Variants in COL24A1 observed in about 807,000 individuals in gnomAD.
The protein encoded by COL24A1 is collagen alpha-1(XXIV) chain.
COL24A1 carries 224 observed loss-of-function variants against 253.9 expected under a neutral mutation model. The ratio of observed to expected loss-of-function variants is 0.88; its 90% CI spans 0.79 to 0.99. The LOEUF is 0.99. COL24A1 is among the 50% of genes least tolerant of loss of function. The pLI is 0.00. For synonymous variants in COL24A1, 685 were observed against 673.7 expected (o/e 1.02, Z -0.26); for missense variants, 2,131 against 2,068.5 (o/e 1.03, Z -0.59).
intron 24 of COL24A1, among the ~76,000 whole-genome samples, chr1:85,952,211 A>T (rs1419011925): frequency 6.6e-6 from 1 of 152,200 alleles, no homozygotes; most frequent in Non-Finnish European, 1.5e-5. Context: ...GTAAAGCAAG[A>T]CTTCAAAAAA....
intron 2 of COL24A1, among the ~76,000 whole-genome samples, chr1:86,128,392 C>A (rs1027091699): frequency 6.6e-6 from 1 of 151,810 alleles, no homozygotes; most frequent in African/African-American, 2.4e-5. Context: ...TGGAAGGAAC[C>A]CTGCTTCTGT....
intron 43 of COL24A1, among the ~76,000 whole-genome samples, chr1:85,835,352 G>C (rs1351963551): frequency 6.6e-6 from 1 of 152,036 alleles, no homozygotes; most frequent in African/African-American, 2.4e-5. Context: ...GGATGGTCTC[G>C]ATCTCCTGAC....
Position 86,109,223 on chromosome 1 carries a change from A to G in COL24A1, c.1599+3344T>C, listed in dbSNP as rs186906412. On this transcript the variant is annotated intron_variant, in intron 5 of 59. Transcript: ENST00000370571. ...TTCCTAATTTCTTTAGAAGCCATCT[A>G]TCTTCTTCCCTATTACTTATCCAGA... is the stretch of plus-strand genomic sequence containing the variant. Among the ~76,000 whole-genome samples the G allele has an allele frequency of 2.7e-3, 413 of 152,312 alleles. 16 individuals carry two copies. The highest frequency in any genetic ancestry group is 0.027 in the Admixed American group (408 of 15,298).
At chr1:85,903,133 A>C (rs762982050) in intron 28 of COL24A1, among the ~76,000 whole-genome samples, 1 of 152,212 alleles carries the variant, frequency 6.6e-6, no homozygotes, top group Non-Finnish European at 1.5e-5. Context: ...TCAAGACAAC[A>C]CAGGGAATGA....
chr1:85,924,252 C>T (rs1686910699), intron 24 of COL24A1, among the ~76,000 whole-genome samples: 1 of 152,154 alleles, frequency 6.6e-6, no homozygotes, highest in African/African-American at 2.4e-5. Flanking sequence ...CAAAGAGGAG[C>T]TGATACCATT....
intron 24 of COL24A1, among the ~76,000 whole-genome samples, chr1:85,912,464 G>A (rs1314078420): frequency 6.6e-6 from 1 of 152,084 alleles, no homozygotes; most frequent in African/African-American, 2.4e-5. Context: ...TAGCTACCAT[G>A]CAAAGACCTT....
At chr1:86,079,938 G>T (rs944209156) in intron 7 of COL24A1, among the ~76,000 whole-genome samples, 3 of 152,122 alleles carry the variant, frequency 2.0e-5, no homozygotes, top group African/African-American at 7.2e-5. Context: ...CAGAAGAAAA[G>T]AAATCAGTGT....
chr1:85,951,877 T>C (rs1293522849), intron 24 of COL24A1, among the ~76,000 whole-genome samples: 1 of 152,224 alleles, frequency 6.6e-6, no homozygotes, highest in Non-Finnish European at 1.5e-5. Flanking sequence ...AAAGGTTATA[T>C]ACTTACAAAA....
chr1:85,855,628 G>A (rs927832913), intron 37 of COL24A1, among the ~76,000 whole-genome samples: 1 of 152,078 alleles, frequency 6.6e-6, no homozygotes, highest in Non-Finnish European at 1.5e-5. Context: ...TTTTGTTATC[G>A]ATTCTTGCAT....
intron 3 of COL24A1, 79 bp from the exon 4 acceptor site, chr1:86,115,457 C>G: frequency 7.4e-7 from 1 of 1,354,628 alleles, no homozygotes; most frequent in African/African-American, 1.4e-5. Context: ...AGATTTCCAC[C>G]CAAAGACAAC....
intron 37 of COL24A1, among the ~76,000 whole-genome samples, chr1:85,864,593 CAT>C (rs1319037668): frequency 6.6e-6 from 1 of 151,902 alleles, no homozygotes; most frequent in African/African-American, 2.4e-5. Context: ...AAACAAGAAA[CAT>C]ATATCTTATC....
chr1:86,156,102 G>T (rs929326727), intron 1 of COL24A1: 2 of 393,452 alleles, frequency 5.1e-6, no homozygotes, highest in East Asian at 7.9e-5. Flanking sequence ...TTTTCCTCTC[G>T]AGCCAAAAGA....
chr1:86,025,022 T>C (rs1379306665), intron 14 of COL24A1, among the ~76,000 whole-genome samples: 1 of 152,034 alleles, frequency 6.6e-6, no homozygotes, highest in Non-Finnish European at 1.5e-5. Context: ...ATATGAAAAA[T>C]ATATTATAAT....
rs539212319 is a variant in COL24A1, at chr1:85,882,320, C to T, written c.2977-5145G>A. Reference sequence around the variant, plus strand: ...TCTACTAAAAATACAAAAAATTAGCCGGGCATGGTGGCGGGCGCCTGTAGT... The same window carrying T: ...TCTACTAAAAATACAAAAAATTAGCTGGGCATGGTGGCGGGCGCCTGTAGT... On this transcript the variant is annotated intron_variant, in intron 32 of 59. Coordinates refer to ENST00000370571, the MANE Select transcript of COL24A1 (RefSeq NM_152890.7). Among the ~76,000 whole-genome samples the T allele has an allele frequency of 1.4e-4, 22 of 152,142 alleles. No homozygotes were observed. The South Asian group carries it at 3.1e-3, about 22-fold the overall frequency.
chr1:86,021,408 G>A lies in COL24A1; in HGVS notation c.2256+832C>T, dbSNP rs988074625. On this transcript the variant is annotated intron_variant, in intron 18 of 59. Transcript: ENST00000370571. ...AAACAGTATGGCACAGTAGCTAAAC[G>A]CATGAGCTCTGACATACCTGATTGC... 3.3e-5 allele frequency among the ~76,000 whole-genome samples: 5 copies of A among 151,952 alleles called. 1 individual carries two copies. In the Middle Eastern group the frequency reaches 9.5e-3, roughly 289 times the overall value.
At chr1:86,129,619 G>A (rs1325341284) in intron 2 of COL24A1, among the ~76,000 whole-genome samples, 1 of 151,398 alleles carries the variant, frequency 6.6e-6, no homozygotes, top group African/African-American at 2.4e-5. Flanking sequence ...GTTGTTTTCT[G>A]GAAAGTATTT....
chr1:86,082,886 T>C (rs1702756098), intron 7 of COL24A1, among the ~76,000 whole-genome samples: 1 of 146,874 alleles, frequency 6.8e-6, no homozygotes, highest in Non-Finnish European at 1.5e-5. Flanking sequence ...ATCTGAAATC[T>C]TAAATGCTCC....
chr1:85,988,827 G>C (rs967319045), intron 19 of COL24A1, among the ~76,000 whole-genome samples: 1 of 152,046 alleles, frequency 6.6e-6, no homozygotes, highest in Non-Finnish European at 1.5e-5. Context: ...CGAATGCCTC[G>C]ACTCAGATTT....
intron 24 of COL24A1, among the ~76,000 whole-genome samples, chr1:85,942,491 T>C (rs1688844381): frequency 6.6e-6 from 1 of 152,208 alleles, no homozygotes; most frequent in Non-Finnish European, 1.5e-5. Flanking sequence ...TTTGGAGTTC[T>C]TGAATTTTGG....
Sources: gnomAD v4.1 joint callset for allele counts (sites outside exome capture counted in the v4.1 genomes callset) on GRCh38, gnomAD v4.1.1 for gene constraint, MANE v1.5 for transcripts, NCBI Gene and HGNC (gene_info 2026-07-23, HGNC 2026-07-21) for gene names.